The following CENPI variants were observed in gnomAD, a reference collection of about 807,000 sequenced individuals.
CENPI encodes centromere protein I.
CENPI carries 4 observed loss-of-function variants against 60.4 expected under a neutral mutation model. The observed-to-expected ratio is 0.07, with a 90% CI of 0.03 to 0.15. CENPI has a LOEUF of 0.15. Among genes scored for constraint, CENPI ranks in the 10% least tolerant of loss-of-function variants. CENPI has a pLI of 1.00. For synonymous variants in CENPI, 157 were observed against 189.4 expected (o/e 0.83, Z 1.40); for missense variants, 444 against 534.5 (o/e 0.83, Z 1.67).
downstream of CENPI, among the ~76,000 whole-genome samples, chrX:101,170,771 A>G (rs1047506024): frequency 9.0e-6 from 1 of 111,233 alleles, no homozygotes; most frequent in Non-Finnish European, 1.9e-5. Context: ...AGTTGGGACT[A>G]CAGACATGTG....
At chrX:101,131,952 A>G (rs1218930186) in intron 13 of CENPI, among the ~76,000 whole-genome samples, 2 of 111,936 alleles carry the variant, frequency 1.8e-5, no homozygotes, top group African/African-American at 6.5e-5. Context: ...TTTCCAATTG[A>G]TGAAGTTTTA....
At position 101,109,459 on chromosome X, in the gene CENPI, T is replaced by G. The variant is rs779672901; in HGVS notation, c.365-14T>G. 1.1e-5 allele frequency: 12 copies of G among 1,116,366 alleles called. No homozygotes were observed. Among genetic ancestry groups the G allele is most frequent in the African/African-American group, 1.8e-5 (1 of 55,335 alleles). The allele number at this position is 1,116,366 out of a possible 1,213,427, so 92.0% of individuals were successfully genotyped here. On this transcript the variant is annotated splice_polypyrimidine_tract_variant and intron_variant, in intron 4 of 21. Transcript: ENST00000682095. ...CACTAAAATGTAGTTTAATTTAGCT[T>G]GTCTCCTTTCCAGGAAATGCTGTAA...
rs1266463390 is a variant in CENPI at position 101,156,468 on chromosome X, A to T, written c.2095-5060A>T. ...TGCTAAAAGGGAAAAATAATTAACA[A>T]TTATTTATTTATTTGTTTATTTATT... On this transcript the variant is annotated intron_variant, in intron 20 of 21. Transcript: ENST00000682095. Among the ~76,000 whole-genome samples the T allele has an allele frequency of 2.7e-5, 3 of 111,511 alleles. No homozygotes were observed. In the East Asian group the frequency reaches 8.4e-4, roughly 31 times the overall value.
intron 18 of CENPI, among the ~76,000 whole-genome samples, chrX:101,147,354 A>G (rs1440701915): frequency 9.1e-6 from 1 of 110,319 alleles, no homozygotes; most frequent in Non-Finnish European, 1.9e-5. Context: ...TGCATGCATT[A>G]GGTATTTGTC....
At chrX:101,154,874 A>C (rs979190300) in intron 20 of CENPI, among the ~76,000 whole-genome samples, 8 of 111,678 alleles carry the variant, frequency 7.2e-5, no homozygotes, top group African/African-American at 2.6e-4. Context: ...GCTTATTGCT[A>C]TTATATAGAA....
chrX:101,142,498 A>G (rs1378934364), intron 16 of CENPI, among the ~76,000 whole-genome samples: 2 of 111,403 alleles, frequency 1.8e-5, no homozygotes. Flanking sequence ...AATTGTAGTT[A>G]TATATCATAA....
chrX:101,109,084 T>G (rs1429790131), intron 4 of CENPI, among the ~76,000 whole-genome samples: 2 of 94,046 alleles, frequency 2.1e-5, no homozygotes, highest in Non-Finnish European at 4.3e-5. Flanking sequence ...TGTTTTTTTT[T>G]TTTTTTTTTT....
rs1288467985 is a variant in CENPI, at chrX:101,148,103, G to T, written c.2036G>T (p.Ser679Ile). ...ACTGGAGTGGCTGAATATAAAAACA[G>T]TTTAAATGTAGTCCATCATCCTTCT... ...EKTGVAEYKN[S>I]LNVVHHPSFL... is the part of the protein sequence containing the mutation. Residue 679 changes from serine (S) to isoleucine (I), a missense_variant, in exon 20 of 22, where the codon AGT becomes ATT. Coordinates refer to ENST00000682095, the MANE Select transcript of CENPI (RefSeq NM_001386188.2). The T allele has an allele frequency of 8.4e-7, 1 of 1,187,742 alleles. No homozygotes were observed. The highest frequency in any genetic ancestry group is 2.5e-5 in the Admixed American group (1 of 39,906).
chrX:101,160,761 C>T (rs753023331), intron 20 of CENPI, among the ~76,000 whole-genome samples: 124 of 111,297 alleles, frequency 1.1e-3, no homozygotes, highest in African/African-American at 3.8e-3. Flanking sequence ...GTTCCCACAG[C>T]AAAGAAATAA....
intron 6 of CENPI, among the ~76,000 whole-genome samples, chrX:101,112,596 T>C (rs1163511536): frequency 8.9e-6 from 1 of 112,392 alleles, no homozygotes; most frequent in African/African-American, 3.2e-5. Flanking sequence ...TTTCCAACTA[T>C]GTATCTGTGT....
rs768487882 is a variant in CENPI at position 101,164,892 on chromosome X, T to G, written c.*1925T>G. Among the ~76,000 whole-genome samples, 27 of 111,959 alleles carry G rather than the reference T, an allele frequency of 2.4e-4. No individual in the cohort carries two copies. The highest frequency in any genetic ancestry group is 4.3e-4 in the Non-Finnish European group (23 of 53,209). On this transcript the variant is annotated 3_prime_UTR_variant, in exon 22 of 22. Coordinates refer to ENST00000682095, the MANE Select transcript of CENPI (RefSeq NM_001386188.2). ...CCACTGGGACAGAATGTGGAGAGGG[T>G]TGAAACTTTAGATAAGATGGTTTGG...
intron 16 of CENPI, among the ~76,000 whole-genome samples, chrX:101,143,487 T>A (rs1175387798): frequency 2.7e-5 from 3 of 111,802 alleles, no homozygotes; most frequent in African/African-American, 9.7e-5. Flanking sequence ...TTTTGCTAAT[T>A]CCCTTTTAGG....
At chrX:101,167,082 CCTT>C (rs1217914455), downstream of CENPI, among the ~76,000 whole-genome samples, 5 of 112,595 alleles carry the variant, frequency 4.4e-5, no homozygotes, top group Admixed American at 1.9e-4. Context: ...TATACTTTCT[CCTT>C]CTTTTTGATC....
At chrX:101,104,639 T>C (rs2089462409) in intron 4 of CENPI, among the ~76,000 whole-genome samples, 1 of 111,185 alleles carries the variant, frequency 9.0e-6, no homozygotes, top group Non-Finnish European at 1.9e-5. Context: ...GGCAGGATGA[T>C]TGCTTGAAGC....
chrX:101,102,996 AT>A (rs1470312770), intron 4 of CENPI, among the ~76,000 whole-genome samples: 2 of 62,251 alleles, frequency 3.2e-5, no homozygotes, highest in Non-Finnish European at 6.1e-5. Flanking sequence ...GGCCGAGGGG[AT>A]TTTTTTTTCT....
At chrX:101,174,723 G>T in the CENPI span, among the ~76,000 whole-genome samples, 3 of 111,024 alleles carry the variant, frequency 2.7e-5, no homozygotes, top group Non-Finnish European at 5.7e-5. Context: ...CAGTACCTGG[G>T]TGATGGGGTC....
chrX:101,109,075 GT>G (rs869245080), intron 4 of CENPI, among the ~76,000 whole-genome samples: 6,600 of 47,247 alleles, frequency 0.14, 99 homozygotes, highest in Non-Finnish European at 0.16. Context: ...GAGGTGTGGT[GT>G]TTTTTTTTTT....
At chrX:101,178,398 CTTTTTT>C in the CENPI span, among the ~76,000 whole-genome samples, 12 of 39,976 alleles carry the variant, frequency 3.0e-4, no homozygotes, top group Admixed American at 3.4e-4. Flanking sequence ...TTTTCTTCTT[CTTTTTT>C]TTTTTTTTTT....
intron 20 of CENPI, among the ~76,000 whole-genome samples, chrX:101,161,285 G>A (rs750167443): frequency 3.8e-4 from 42 of 111,693 alleles, no homozygotes; most frequent in Non-Finnish European, 5.8e-4. Flanking sequence ...CACTGCACCC[G>A]GCCTGTTTTA....
Sources: gnomAD v4.1 joint callset for allele counts (sites outside exome capture counted in the v4.1 genomes callset) on GRCh38, gnomAD v4.1.1 for gene constraint, MANE v1.5 for transcripts, NCBI Gene and HGNC (gene_info 2026-07-23, HGNC 2026-07-21) for gene names.